SFSWAP: variants seen among roughly 807,000 people sequenced by gnomAD.
SFSWAP encodes the protein splicing factor SWAP, also known as splicing factor, suppressor of white-apricot homolog.
Under a neutral mutation model 100.7 loss-of-function variants are expected in SFSWAP, and 17 were observed. That is an observed-to-expected ratio of 0.17 (90% confidence interval 0.12 to 0.25). The LOEUF is 0.25. Among genes scored for constraint, SFSWAP ranks in the 10% least tolerant of loss-of-function variants. SFSWAP has a pLI of 1.00. For synonymous variants in SFSWAP, 504 were observed against 510.1 expected (o/e 0.99, Z 0.16); for missense variants, 1,005 against 1,262.6 (o/e 0.80, Z 3.09).
In SFSWAP at chr12:131,719,717, G is replaced by A. The variant is rs574575053; in HGVS notation, c.606+178G>A. Among the ~76,000 whole-genome samples the A allele has an allele frequency of 3.9e-5, 6 of 152,278 alleles. No individual in the cohort carries two copies. The South Asian group carries it at 1.2e-3, about 32-fold the overall frequency. On this transcript the variant is annotated intron_variant, in intron 4 of 17. Transcript: ENST00000261674. ...TATTTATTTTCCCCAAAGGAAAAGG[G>A]AAGAATTATAGCAAAAGAGCTAGAC...
In SFSWAP at chr12:131,753,237, G is replaced by A. The variant is rs746522996; in HGVS notation, c.1196G>A (p.Gly399Asp). 4 of 1,614,052 alleles carry A rather than the reference G, an allele frequency of 2.5e-6. No homozygotes were observed. The African/African-American group carries it at 5.3e-5, about 22-fold the overall frequency. The change falls in exon 8 of 18, where the codon GGC (glycine) becomes GAC (aspartate). Residue 399 changes from glycine to aspartate, a missense_variant. Gly to Asp is a moderately conservative substitution (Grantham distance 94, BLOSUM62 -1). Transcript: ENST00000261674. ...ACTTACTACAGCACCCTTCCTGCTG[G>A]CGTGACCGTGTCTAACTCCCCTGGA... ...VTTYYSTLPA[G>D]VTVSNSPGVT...
chr12:131,759,660 G>C (rs1217164636), intron 11 of SFSWAP, among the ~76,000 whole-genome samples: 1 of 152,048 alleles, frequency 6.6e-6, no homozygotes, highest in East Asian at 1.9e-4. Flanking sequence ...AATTAGCCGG[G>C]CGTGGTGGCG....
At position 131,711,569 on chromosome 12, in the gene SFSWAP, C is replaced by T; in HGVS notation, c.218+122C>T. 1 of 801,800 alleles carries T rather than the reference C, an allele frequency of 1.2e-6. No homozygotes were observed. Among genetic ancestry groups the T allele is most frequent in the South Asian group, 1.7e-5 (1 of 60,388 alleles). The allele number at this position is 801,800 out of a possible 1,614,324, so 49.7% of individuals were successfully genotyped here. On this transcript the variant is annotated intron_variant, in intron 1 of 17. Transcript: ENST00000261674. This position sits in a 1 kb window ranked among gnomAD's most constrained non-coding sequence, Gnocchi z 4.9. ...GGAGCCAGCGGGGATCTGGGGGACA[C>T]CCCCTCCCCTGTCCCCACCTCCTCC...
intron 14 of SFSWAP, among the ~76,000 whole-genome samples, chr12:131,780,163 G>A (rs1566052452): frequency 6.6e-6 from 1 of 152,198 alleles, no homozygotes; most frequent in Non-Finnish European, 1.5e-5. Flanking sequence ...AATTGGATTT[G>A]ACTCCATGAT....
At chr12:131,792,651 G>A (rs1337876694) in intron 15 of SFSWAP, among the ~76,000 whole-genome samples, 3 of 152,192 alleles carry the variant, frequency 2.0e-5, no homozygotes, top group Non-Finnish European at 2.9e-5. Context: ...ACATGCATGT[G>A]TGTTCACAGA....
chr12:131,711,515 T>G lies in SFSWAP; in HGVS notation c.218+68T>G. On this transcript the variant is annotated intron_variant, in intron 1 of 17. Transcript: ENST00000261674. This position sits in a 1 kb window ranked among gnomAD's most constrained non-coding sequence, Gnocchi z 4.9. ...CCGCTTGATCTCGTCTGATGTTGAC[T>G]TGACTGCAAGGACTGCAGAGAGTTT... 7.4e-7 allele frequency: 1 copy of G among 1,354,398 alleles called. No homozygotes were observed. The highest frequency in any genetic ancestry group is 1.2e-5 in the South Asian group (1 of 83,916). 83.9% of individuals were successfully genotyped at this position (1,354,398 alleles called of 1,614,324 possible). A position where few individuals can be genotyped will look rare whatever the true frequency, so the allele number is the denominator to read the frequency against.
At chr12:131,776,410 A>C (rs1018377145) in intron 13 of SFSWAP, among the ~76,000 whole-genome samples, 2 of 152,216 alleles carry the variant, frequency 1.3e-5, no homozygotes, top group Non-Finnish European at 2.9e-5. Context: ...CTGAGAAATC[A>C]CCGTGCCATC....
chr12:131,789,102 T>A (rs1203306533), intron 15 of SFSWAP, among the ~76,000 whole-genome samples: 2 of 152,188 alleles, frequency 1.3e-5, no homozygotes, highest in African/African-American at 4.8e-5. Context: ...CACCTCAGCC[T>A]CCTGTGTAGC....
intron 7 of SFSWAP, among the ~76,000 whole-genome samples, chr12:131,747,753 A>G (rs1881270760): frequency 6.6e-6 from 1 of 152,220 alleles, no homozygotes; most frequent in Non-Finnish European, 1.5e-5. Flanking sequence ...GAGGAGAGGC[A>G]TGGGGAGAAA....
rs554916308 is a variant in SFSWAP at position 131,778,462 on chromosome 12, A to G, written c.2408+132A>G. On this transcript the variant is annotated intron_variant, in intron 14 of 17. Transcript: ENST00000261674. This position sits in a 1 kb window ranked among gnomAD's most constrained non-coding sequence, Gnocchi z 4.2. ...TAAGCAGACGCGTGTATGCATGTGC[A>G]TGTGTGCCCTGCAAGTCCAAGTAAG... The G allele has an allele frequency of 4.9e-5, 66 of 1,341,576 alleles. No homozygotes were observed. The East Asian group carries it at 9.9e-4, about 20-fold the overall frequency. 83.1% of individuals were successfully genotyped at this position (1,341,576 alleles called of 1,614,324 possible).
chr12:131,769,235 A>G (rs772116390), intron 13 of SFSWAP, among the ~76,000 whole-genome samples: 25 of 152,236 alleles, frequency 1.6e-4, no homozygotes, highest in Non-Finnish European at 3.4e-4. Context: ...TGTAATAAGC[A>G]GGAGAAGCAC....
At chr12:131,756,875 A>G in intron 11 of SFSWAP, 1 of 521,402 alleles carries the variant, frequency 1.9e-6, no homozygotes, top group Non-Finnish European at 3.4e-6. Flanking sequence ...TCTGTTTAAC[A>G]GTCTGTTCAG....
chr12:131,759,400 C>T (rs940112415), intron 11 of SFSWAP, among the ~76,000 whole-genome samples: 1 of 152,146 alleles, frequency 6.6e-6, no homozygotes, highest in Non-Finnish European at 1.5e-5. Flanking sequence ...CACTCCAGAG[C>T]ATTAAGAAGG....
intron 6 of SFSWAP, 35 bp downstream of exon 6, chr12:131,727,087 C>T (rs1220747752): frequency 8.1e-7 from 1 of 1,233,862 alleles, no homozygotes; most frequent in Admixed American, 1.8e-5. Flanking sequence ...ATTTTTATGC[C>T]ACCACAAAAC....
intron 14 of SFSWAP, among the ~76,000 whole-genome samples, chr12:131,781,330 C>T (rs1333124542): frequency 2.7e-5 from 4 of 150,906 alleles, no homozygotes; most frequent in Admixed American, 6.6e-5. Flanking sequence ...CTCTGCCTCC[C>T]GGGTTCACAC....
chr12:131,714,990 T>C lies in SFSWAP; in HGVS notation c.520+37T>C. On this transcript the variant is annotated intron_variant, in intron 3 of 17. Transcript: ENST00000261674. The surrounding 1 kb of genome is among the most constrained non-coding windows in gnomAD (Gnocchi z 6.0). ...GCTGCCTGGACTGCTGGTGTAGGGC[T>C]ACACGTGTACGCACAGGCTGCATGC... The C allele has an allele frequency of 2.5e-6, 4 of 1,611,378 alleles. No individual in the cohort carries two copies. The Admixed American group carries it at 6.7e-5, about 27-fold the overall frequency.
At chr12:131,739,536 C>G (rs1330604203) in intron 7 of SFSWAP, among the ~76,000 whole-genome samples, 1 of 60,880 alleles carries the variant, frequency 1.6e-5, no homozygotes, top group East Asian at 4.6e-4. Context: ...TCCCCAGTTG[C>G]TTTTTTTTTT....
chr12:131,716,109 A>C (rs373501007), intron 3 of SFSWAP, among the ~76,000 whole-genome samples: 1 of 152,068 alleles, frequency 6.6e-6, no homozygotes, highest in Non-Finnish European at 1.5e-5. Context: ...ACCCATCGGC[A>C]CTCTCCAAGG....
chr12:131,746,730 A>G (rs1738619373), intron 7 of SFSWAP, among the ~76,000 whole-genome samples: 1 of 152,208 alleles, frequency 6.6e-6, no homozygotes, highest in Non-Finnish European at 1.5e-5. Context: ...GGAAGCACCT[A>G]GAATTGCGGG....
Sources: allele counts gnomAD v4.1 joint callset (sites outside exome capture counted in the v4.1 genomes callset), GRCh38; gene constraint gnomAD v4.1.1; non-coding constraint Gnocchi (gnomAD v3.1); transcripts MANE v1.5; gene names NCBI Gene and HGNC (gene_info 2026-07-23, HGNC 2026-07-21).